Variants in KLF8 observed in about 807,000 individuals in gnomAD.
The protein encoded by KLF8 is Krueppel-like factor 8.
KLF8 carries 10 observed loss-of-function variants against 18.2 expected under a neutral mutation model. The observed-to-expected ratio is 0.55, with a 90% CI of 0.34 to 0.93. The LOEUF (loss-of-function observed/expected upper bound fraction) is 0.93. Ranked by LOEUF, KLF8 falls within the 40% of genes least tolerant of loss-of-function variation. The pLI is 0.02. For missense variants in KLF8, 264 were observed against 277.9 expected, an observed-to-expected ratio of 0.95 and a Z score of 0.36; for synonymous variants, 109 against 97.3, an observed-to-expected ratio of 1.12 and a Z score of -0.71.
intron 5 of KLF8, among the ~76,000 whole-genome samples, chrX:56,278,057 C>A (rs973511498): frequency 3.6e-5 from 4 of 112,525 alleles, no homozygotes; most frequent in Non-Finnish European, 5.6e-5. Context: ...GCAGTGGGCT[C>A]CCCTCTGGCC....
the KLF8 span, among the ~76,000 whole-genome samples, chrX:56,034,087 C>T: frequency 1.8e-5 from 2 of 111,960 alleles, no homozygotes; most frequent in African/African-American, 6.5e-5. Flanking sequence ...AGAATCATTG[C>T]CAGACCAATT....
At chrX:56,223,165 G>A in the KLF8 span, among the ~76,000 whole-genome samples, 2 of 113,052 alleles carry the variant, frequency 1.8e-5, no homozygotes. Context: ...CAACTGAAAG[G>A]AGTGATATGT....
chrX:56,130,822 A>G, the KLF8 span, among the ~76,000 whole-genome samples: 1 of 112,124 alleles, frequency 8.9e-6, no homozygotes, highest in South Asian at 3.6e-4. Flanking sequence ...AAACAATCAC[A>G]ACTTTAAAAA....
rs1264316586 is a variant in KLF8 at position 56,270,230 on chromosome X, G to A, written c.807G>A (p.Lys269=). 3 of 1,200,027 alleles carry A rather than the reference G, an allele frequency of 2.5e-6. No homozygotes were observed. In the South Asian group the frequency reaches 5.3e-5, roughly 21 times the overall value. Residue 269 remains lysine, a synonymous_variant, in exon 5 of 6, where the codon AAG becomes AAA. Coordinates refer to ENST00000468660, the MANE Select transcript of KLF8 (RefSeq NM_007250.5). ...QMQGEESLDL[K]RRRIHQCDFA... ...AGGGAGAAGAGTCGCTTGACTTGAAGAGAAGACGGATTCACCAATGTGACT... is the reference window on the plus strand; with the variant it reads ...AGGGAGAAGAGTCGCTTGACTTGAAAAGAAGACGGATTCACCAATGTGACT...
At chrX:56,096,224 A>C in the KLF8 span, among the ~76,000 whole-genome samples, 1 of 111,645 alleles carries the variant, frequency 9.0e-6, no homozygotes, top group African/African-American at 3.3e-5. Flanking sequence ...ATTCTCACTT[A>C]TAAGTGGGAG....
the KLF8 span, among the ~76,000 whole-genome samples, chrX:56,134,281 A>G: frequency 1.8e-5 from 2 of 112,142 alleles, no homozygotes; most frequent in Non-Finnish European, 3.8e-5. Context: ...ATAAGGCCAT[A>G]GTCATCAAAA....
chrX:56,145,085 G>T, the KLF8 span, among the ~76,000 whole-genome samples: 1 of 110,903 alleles, frequency 9.0e-6, no homozygotes, highest in Non-Finnish European at 1.9e-5. Flanking sequence ...GAGCCACAGC[G>T]CCCAGCCAGA....
the KLF8 span, among the ~76,000 whole-genome samples, chrX:56,083,750 G>A: frequency 9.0e-6 from 1 of 111,377 alleles, no homozygotes; most frequent in Admixed American, 9.6e-5. Flanking sequence ...TGTCAAATCA[G>A]TGGTGATGTT....
chrX:56,041,672 T>TGTTGTTGTGGTG, the KLF8 span, among the ~76,000 whole-genome samples: 1 of 40,032 alleles, frequency 2.5e-5, no homozygotes, highest in African/African-American at 4.1e-5. Context: ...CTAGTTTTGT[T>TGTTGTTGTGGTG]GTTGTTGTTG....
At chrX:56,197,255 G>A in the KLF8 span, among the ~76,000 whole-genome samples, 2 of 109,313 alleles carry the variant, frequency 1.8e-5, no homozygotes, top group Admixed American at 2.0e-4. Context: ...AGAACTGAAG[G>A]AAATAGAGAC....
chrX:56,098,936 G>A, the KLF8 span, among the ~76,000 whole-genome samples: 1 of 111,746 alleles, frequency 8.9e-6, no homozygotes, highest in Non-Finnish European at 1.9e-5. Flanking sequence ...TTTACAAAAA[G>A]GATGAACTAT....
the KLF8 span, among the ~76,000 whole-genome samples, chrX:56,088,964 A>C: frequency 9.0e-5 from 10 of 111,728 alleles, no homozygotes; most frequent in African/African-American, 2.9e-4. Flanking sequence ...TATGAACACA[A>C]TCAAAGAAAA....
the KLF8 span, among the ~76,000 whole-genome samples, chrX:56,160,150 T>G: frequency 1.8e-5 from 2 of 112,049 alleles, no homozygotes; most frequent in Non-Finnish European, 3.8e-5. Flanking sequence ...TTATGAACCC[T>G]GTAGTCATTC....
At chrX:56,248,828 A>G (rs2066662778) in intron 1 of KLF8, among the ~76,000 whole-genome samples, 1 of 111,929 alleles carries the variant, frequency 8.9e-6, no homozygotes, top group African/African-American at 3.3e-5. Context: ...CACCTCAGGC[A>G]TCTTTCATGC....
At chrX:56,180,936 C>G in the KLF8 span, among the ~76,000 whole-genome samples, 6 of 111,694 alleles carry the variant, frequency 5.4e-5, no homozygotes, top group South Asian at 2.2e-3. Flanking sequence ...AATATATATT[C>G]TGTTGATTTG....
the KLF8 span, among the ~76,000 whole-genome samples, chrX:56,089,223 T>C: frequency 1.8e-5 from 2 of 111,588 alleles, no homozygotes; most frequent in East Asian, 2.8e-4. Context: ...TGCCAAGATC[T>C]CATCCAGAAT....
the KLF8 span, among the ~76,000 whole-genome samples, chrX:56,028,683 C>A: frequency 2.7e-5 from 3 of 111,378 alleles, no homozygotes; most frequent in African/African-American, 6.5e-5. Context: ...AATTTTTGAA[C>A]CCTTGGGGAA....
the KLF8 span, among the ~76,000 whole-genome samples, chrX:56,034,691 TA>T: frequency 3.0e-5 from 3 of 98,886 alleles, no homozygotes; most frequent in African/African-American, 1.5e-4. Context: ...AAAAATAAAT[TA>T]TTTTTAACTA....
At chrX:56,172,609 C>T in the KLF8 span, among the ~76,000 whole-genome samples, 15 of 111,652 alleles carry the variant, frequency 1.3e-4, no homozygotes, top group South Asian at 1.1e-3. Context: ...ATAAGCCTTT[C>T]GGTATATACC....
Sources: allele counts gnomAD v4.1 joint callset (sites outside exome capture counted in the v4.1 genomes callset), GRCh38; gene constraint gnomAD v4.1.1; transcripts MANE v1.5; gene names NCBI Gene and HGNC (gene_info 2026-07-23, HGNC 2026-07-21).